The following HMX1 variants were observed in gnomAD, a reference collection of about 807,000 sequenced individuals.
HMX1 encodes H6 family homeobox 1.
HMX1 carries 8 observed loss-of-function variants against 8.9 expected under a neutral mutation model. The ratio of observed to expected loss-of-function variants is 0.90; its 90% CI spans 0.53 to 1.63. The LOEUF (loss-of-function observed/expected upper bound fraction) is 1.63, where lower values mean the gene tolerates loss of function less well. Ranked by LOEUF, HMX1 falls within the 40% of genes most tolerant of loss-of-function variation. The pLI, the probability that HMX1 is intolerant of heterozygous loss-of-function variation, is 0.00. For missense variants in HMX1, 621 were observed against 558.5 expected, an observed-to-expected ratio of 1.11 and a Z score of -1.13; for synonymous variants, 311 against 283.4, an observed-to-expected ratio of 1.10 and a Z score of -0.98.
At position 8,853,472 on chromosome 4, in the gene HMX1, G is replaced by C. The variant is rs547165263; in HGVS notation, c.395-7148C>G. 2.0e-4 allele frequency among the ~76,000 whole-genome samples: 30 copies of C among 152,314 alleles called. No homozygotes were observed. Among genetic ancestry groups the C allele is most frequent in the African/African-American group, 7.0e-4 (29 of 41,558 alleles). On this transcript the variant is annotated intron_variant, in intron 1 of 1. Transcript: ENST00000506970. This position sits in a 1 kb window ranked among gnomAD's most constrained non-coding sequence, Gnocchi z 4.7. Reference sequence around the variant, plus strand: ...GGTCAGAACCACATCATGTGACCGGGCTGAGCTGCAAGGGAGGCTGGGAAA... The same window carrying C: ...GGTCAGAACCACATCATGTGACCGGCCTGAGCTGCAAGGGAGGCTGGGAAA...
rs572974896 is a variant in HMX1 at position 8,860,207 on chromosome 4, G to C, written c.394+11014C>G. 7.9e-5 allele frequency among the ~76,000 whole-genome samples: 12 copies of C among 152,360 alleles called. No individual in the cohort carries two copies. In the East Asian group the frequency reaches 2.1e-3, roughly 27 times the overall value. ...GCATGACTGCGCGCCAAATGGAAGT[G>C]GGGGCGCCCCCTGGCCTTTCCTATA... On this transcript the variant is annotated intron_variant, in intron 1 of 1. Transcript: ENST00000506970.
At chr4:8,865,539 C>T (rs1044601384), downstream of HMX1, among the ~76,000 whole-genome samples, 1 of 152,012 alleles carries the variant, frequency 6.6e-6, no homozygotes, top group Admixed American at 6.5e-5. Flanking sequence ...TTCCTGGACT[C>T]GCAGCGATGT....
chr4:8,856,250 A>C (rs544269703), intron 1 of HMX1, among the ~76,000 whole-genome samples: 1 of 152,220 alleles, frequency 6.6e-6, no homozygotes, highest in African/African-American at 2.4e-5. Context: ...TAAAAAAGAA[A>C]GAACCGAAAA....
In HMX1 at chr4:8,846,351, G is replaced by C. The variant is rs1427013720; in HGVS notation, c.395-27C>G. 4 of 1,504,530 alleles carry C rather than the reference G, an allele frequency of 2.7e-6. No individual in the cohort carries two copies. The African/African-American group carries it at 5.5e-5, about 21-fold the overall frequency. The allele number at this position is 1,504,530 out of a possible 1,614,324, so 93.2% of individuals were successfully genotyped here. ...TGCAGGGGAGAAAAACCAGGTATTG[G>C]GAGCACTAGTCATGTCTGCACAAGG... On this transcript the variant is annotated intron_variant, in intron 1 of 1. Coordinates refer to the HMX1 transcript ENST00000506970.
intron 1 of HMX1, among the ~76,000 whole-genome samples, chr4:8,856,192 G>C (rs762887328): frequency 4.6e-5 from 7 of 152,196 alleles, no homozygotes; most frequent in Non-Finnish European, 8.8e-5. Context: ...GTGAGCAAGT[G>C]AACTTCCCAC....
chr4:8,871,387 C>A lies in HMX1; in HGVS notation c.228G>T (p.Gly76=). Residue 76 remains glycine (G), a synonymous_variant, in exon 1 of 2, where the codon GGG becomes GGT. Transcript: ENST00000400677. This position sits in a 1 kb window ranked among gnomAD's most constrained non-coding sequence, Gnocchi z 4.8. ...CACGGGCCCGCGCCTCCCCGCCGGG[C>A]CCGGTGCCCGCGAGCAACTGTCGCC... The part of the protein sequence containing the change: ...QRRRQLLAGT[G]PGGEARARAL... 1 of 1,245,966 alleles carries A rather than the reference C, an allele frequency of 8.0e-7. No homozygotes were observed. The highest frequency in any genetic ancestry group is 4.5e-5 in the Admixed American group (1 of 22,396). The allele number at this position is 1,245,966 out of a possible 1,614,324, so 77.2% of individuals were successfully genotyped here. A position where few individuals can be genotyped will look rare whatever the true frequency, so the allele number is the denominator to read the frequency against.
chr4:8,856,656 C>T (rs1377805641), intron 1 of HMX1, among the ~76,000 whole-genome samples: 1 of 152,134 alleles, frequency 6.6e-6, no homozygotes, highest in African/African-American at 2.4e-5. Flanking sequence ...TGCTTTTCTC[C>T]CTAAGTACAT....
At chr4:8,866,620 C>T (rs1020593074), downstream of HMX1, among the ~76,000 whole-genome samples, 3 of 152,216 alleles carry the variant, frequency 2.0e-5, no homozygotes, top group Non-Finnish European at 1.5e-5. Flanking sequence ...GGCAAGAGCA[C>T]GGTGGCCTGA....
intron 1 of HMX1, among the ~76,000 whole-genome samples, chr4:8,851,234 G>A (rs1210529691): frequency 6.6e-6 from 1 of 152,172 alleles, no homozygotes; most frequent in African/African-American, 2.4e-5. Flanking sequence ...AAGAGGGTTC[G>A]GGTCTTCGTG....
chr4:8,862,612 TAAC>T (rs1207055048), downstream of HMX1, among the ~76,000 whole-genome samples: 3 of 152,226 alleles, frequency 2.0e-5, no homozygotes, highest in Non-Finnish European at 4.4e-5. Flanking sequence ...TTTTTTAAAA[TAAC>T]AATACGGCTT....
Position 8,871,471 on chromosome 4 carries a change from G to GTCC in HMX1, c.141_143dup (p.Glu47dup). 7.5e-7 allele frequency: 1 copy of GTCC among 1,341,868 alleles called. No individual in the cohort carries two copies. The highest frequency in any genetic ancestry group is 9.6e-7 in the Non-Finnish European group (1 of 1,036,570). The allele number at this position is 1,341,868 out of a possible 1,614,324, so 83.1% of individuals were successfully genotyped here. The stretch of plus-strand genomic sequence containing the variant: ...CGTCCTCGTCTTCGGGGTCGTCGTC[G>GTCC]TCCTCCTCCTCGTCCTCCCGGCTGC... On this transcript the variant is annotated inframe_insertion, in exon 1 of 2. Coordinates refer to ENST00000400677, the MANE Select transcript of HMX1 (RefSeq NM_018942.3). The surrounding 1 kb of genome is among the most constrained non-coding windows in gnomAD (Gnocchi z 4.8).
At chr4:8,861,018 C>T (rs1303090416) in intron 1 of HMX1, among the ~76,000 whole-genome samples, 6 of 148,272 alleles carry the variant, frequency 4.0e-5, no homozygotes, top group Non-Finnish European at 1.5e-5. Context: ...GCGGGGCGCC[C>T]GGGAGGGCCG....
At chr4:8,863,632 C>T (rs577101600), downstream of HMX1, among the ~76,000 whole-genome samples, 7 of 152,280 alleles carry the variant, frequency 4.6e-5, no homozygotes, top group East Asian at 1.2e-3. Flanking sequence ...GTGGAGCGCG[C>T]GGGGGAATCC....
intron 1 of HMX1, among the ~76,000 whole-genome samples, chr4:8,854,883 A>C (rs1283586074): frequency 1.3e-5 from 2 of 152,244 alleles, no homozygotes; most frequent in Admixed American, 1.3e-4. Flanking sequence ...ACTTCCTAAA[A>C]TGAATCTGTA....
downstream of HMX1, among the ~76,000 whole-genome samples, chr4:8,862,278 C>A (rs1052144358): frequency 6.6e-6 from 1 of 152,220 alleles, no homozygotes. Flanking sequence ...AGTGAGACCC[C>A]GATTGGGCGT....
rs1721344791 is a variant in HMX1 at position 8,848,648 on chromosome 4, C to A, written c.395-2324G>T. 6.6e-6 allele frequency among the ~76,000 whole-genome samples: 1 copy of A among 152,202 alleles called. No individual in the cohort carries two copies. The highest frequency in any genetic ancestry group is 1.5e-5 in the Non-Finnish European group (1 of 68,030). On this transcript the variant is annotated intron_variant, in intron 1 of 1. Transcript: ENST00000506970. The surrounding 1 kb of genome is among the most constrained non-coding windows in gnomAD (Gnocchi z 4.1). ...CCGGCTGCTGTAGACCAACCTAAAC[C>A]AGGCTCCCCCATCCCCCTTTTTTCA... is the stretch of plus-strand genomic sequence containing the variant.
intron 1 of HMX1, among the ~76,000 whole-genome samples, chr4:8,856,289 G>A (rs1032532121): frequency 6.6e-6 from 1 of 152,314 alleles, no homozygotes; most frequent in Admixed American, 6.5e-5. Flanking sequence ...TGGCAGAAGC[G>A]TCCTATTTAG....
downstream of HMX1, among the ~76,000 whole-genome samples, chr4:8,864,376 T>G (rs575522450): frequency 1.6e-3 from 237 of 151,980 alleles, 3 homozygotes; most frequent in Non-Finnish European, 7.2e-4. Context: ...CCTGAGCAGC[T>G]CAGGGTGGCT....
rs1216328036 is a variant in HMX1, at chr4:8,871,497, C to T, written c.118G>A (p.Gly40Ser). 2.2e-6 allele frequency: 3 copies of T among 1,341,512 alleles called. No individual in the cohort carries two copies. The highest frequency in any genetic ancestry group is 3.7e-5 in the Admixed American group (1 of 27,196). The allele number at this position is 1,341,512 out of a possible 1,614,324, so 83.1% of individuals were successfully genotyped here. ...TCCTCCTCCTCGTCCTCCCGGCTGC[C>T]GTCGCCCTGGGTCGCGCGCCCTGCG... ...KGAGRATQGD[G>S]SREDEEEDDD... Residue 40 changes from glycine to serine, a missense_variant, in exon 1 of 2, where the codon GGC (glycine) becomes AGC (serine). By Grantham distance (56) the Gly-to-Ser change is moderately conservative. Coordinates refer to ENST00000400677, the MANE Select transcript of HMX1 (RefSeq NM_018942.3). The surrounding 1 kb of genome is among the most constrained non-coding windows in gnomAD (Gnocchi z 4.8).
Sources: allele counts gnomAD v4.1 joint callset (sites outside exome capture counted in the v4.1 genomes callset), GRCh38; gene constraint gnomAD v4.1.1; non-coding constraint Gnocchi (gnomAD v3.1); transcripts MANE v1.5; gene names NCBI Gene and HGNC (gene_info 2026-07-23, HGNC 2026-07-21).